The following SPTLC1 variants were observed in gnomAD, a reference collection of about 807,000 sequenced individuals.
SPTLC1 encodes serine palmitoyltransferase 1.
In SPTLC1, 55 loss-of-function variants were observed where a neutral mutation model predicts 68.9. The ratio of observed to expected loss-of-function variants is 0.80; its 90% CI spans 0.64 to 1.00. The LOEUF (loss-of-function observed/expected upper bound fraction) is 1.00. SPTLC1 is among the 50% of genes least tolerant of loss of function. The pLI is 0.00. For synonymous variants in SPTLC1, 197 were observed against 201.6 expected (o/e 0.98, Z 0.19); for missense variants, 449 against 573.1 (o/e 0.78, Z 2.21).
Position 92,080,068 on chromosome 9 carries a change from T to A in SPTLC1, c.375A>T (p.Leu125=). 6.2e-7 allele frequency: 1 copy of A among 1,613,838 alleles called. No homozygotes were observed. The change falls in exon 5 of 15, where the codon CTA becomes CTT. Residue 125 remains leucine (L), a synonymous_variant. Coordinates refer to ENST00000262554, the MANE Select transcript of SPTLC1 (RefSeq NM_006415.4). ...CACAAGTCCCCACGCCATACTTCTTTAGAGATGCTAAAGCTGCTGCCTTTA... is the reference window on the plus strand; with the variant it reads ...CACAAGTCCCCACGCCATACTTCTTAAGAGATGCTAAAGCTGCTGCCTTTA... ...PRVKAAALAS[L]KKYGVGTCGP...
chr9:92,054,218 T>C (rs1833804419), intron 8 of SPTLC1, among the ~76,000 whole-genome samples: 1 of 152,024 alleles, frequency 6.6e-6, no homozygotes, highest in Non-Finnish European at 1.5e-5. Context: ...GAGCCAGAGG[T>C]TGCGGTGAGC....
At chr9:92,048,579 T>C (rs1833598626) in intron 9 of SPTLC1, among the ~76,000 whole-genome samples, 2 of 152,186 alleles carry the variant, frequency 1.3e-5, no homozygotes, top group Admixed American at 1.3e-4. Context: ...AAGGACAACC[T>C]TGCTTCACCT....
At chr9:92,108,087 A>T (rs1284291318) in intron 3 of SPTLC1, 1 of 152,378 alleles carries the variant, frequency 6.6e-6, no homozygotes, top group Non-Finnish European at 1.5e-5. Flanking sequence ...AGTAAGTTTG[A>T]ATTAAAAATA....
At chr9:92,045,768 C>T (rs909079818) in intron 12 of SPTLC1, among the ~76,000 whole-genome samples, 3 of 152,046 alleles carry the variant, frequency 2.0e-5, no homozygotes, top group African/African-American at 4.8e-5. Context: ...TTCTGTACTG[C>T]TGTAATATTT....
intron 3 of SPTLC1, among the ~76,000 whole-genome samples, chr9:92,086,889 G>A (rs1410361069): frequency 3.3e-5 from 5 of 151,996 alleles, no homozygotes; most frequent in South Asian, 2.1e-4. Context: ...CCAATCAGAC[G>A]TAGATTTGGT....
chr9:92,041,851 T>A (rs1038131363), intron 12 of SPTLC1, among the ~76,000 whole-genome samples: 1 of 152,104 alleles, frequency 6.6e-6, no homozygotes, highest in African/African-American at 2.4e-5. Context: ...TAAGACAAAT[T>A]TATGATTTAC....
At chr9:92,033,920 G>C (rs115660703) in intron 14 of SPTLC1, among the ~76,000 whole-genome samples, 1,567 of 152,262 alleles carry the variant, frequency 0.01, 37 homozygotes, top group African/African-American at 0.036. Flanking sequence ...GGCACTGTGG[G>C]CCGGCAGAGC....
At chr9:92,074,189 A>G (rs1834595521) in intron 5 of SPTLC1, among the ~76,000 whole-genome samples, 1 of 151,626 alleles carries the variant, frequency 6.6e-6, no homozygotes, top group Non-Finnish European at 1.5e-5. Flanking sequence ...CTTAATCGAT[A>G]CGGGGGCTAC....
At chr9:92,070,729 A>T (rs1834449541) in intron 5 of SPTLC1, among the ~76,000 whole-genome samples, 1 of 152,242 alleles carries the variant, frequency 6.6e-6, no homozygotes. Flanking sequence ...GGATGACTGC[A>T]CAAGTTAATG....
chr9:92,066,909 G>A (rs1834305121), intron 6 of SPTLC1, among the ~76,000 whole-genome samples: 1 of 152,092 alleles, frequency 6.6e-6, no homozygotes, highest in Non-Finnish European at 1.5e-5. Flanking sequence ...GAACCCGGGA[G>A]GCGGAGCTTG....
intron 4 of SPTLC1, among the ~76,000 whole-genome samples, chr9:92,080,589 A>C (rs910446914): frequency 5.3e-5 from 8 of 152,094 alleles, no homozygotes; most frequent in African/African-American, 1.9e-4. Flanking sequence ...CCCAGGCTGG[A>C]GTGCAGTGGC....
At chr9:92,095,247 A>G (rs1226978901) in intron 3 of SPTLC1, among the ~76,000 whole-genome samples, 2 of 152,252 alleles carry the variant, frequency 1.3e-5, no homozygotes, top group African/African-American at 4.8e-5. Flanking sequence ...CAGTATTGCT[A>G]AACAGAGATG....
intron 9 of SPTLC1, 109 bp from the exon 10 acceptor site, chr9:92,047,817 G>A (rs1833573329): frequency 1.4e-6 from 1 of 719,996 alleles, no homozygotes; most frequent in Non-Finnish European, 2.5e-6. Flanking sequence ...TTAATATCTG[G>A]ATTCAAACTA....
At chr9:92,092,748 A>G (rs1035763032) in intron 3 of SPTLC1, among the ~76,000 whole-genome samples, 8 of 152,090 alleles carry the variant, frequency 5.3e-5, no homozygotes, top group African/African-American at 1.9e-4. Context: ...CCCCCCAAAA[A>G]AAGTATAGCC....
chr9:92,048,425 G>A (rs967385290), intron 9 of SPTLC1, among the ~76,000 whole-genome samples: 1 of 152,162 alleles, frequency 6.6e-6, no homozygotes, highest in African/African-American at 2.4e-5. Context: ...GTGTTTCATA[G>A]ATCCAGCAGA....
At chr9:92,081,862 T>C (rs1834896781) in intron 3 of SPTLC1, among the ~76,000 whole-genome samples, 1 of 152,210 alleles carries the variant, frequency 6.6e-6, no homozygotes. Context: ...AGAAACACTA[T>C]TCTCATTGAT....
At chr9:92,111,193 C>T (rs1357977859) in intron 2 of SPTLC1, 1 of 152,068 alleles carries the variant, frequency 6.6e-6, no homozygotes, top group Non-Finnish European at 1.5e-5. Flanking sequence ...CATTTACAGC[C>T]ACAGAACTAG....
At chr9:92,113,575 A>G (rs1836321458) in intron 1 of SPTLC1, among the ~76,000 whole-genome samples, 2 of 152,246 alleles carry the variant, frequency 1.3e-5, no homozygotes, top group Non-Finnish European at 1.5e-5. Flanking sequence ...GGAGCAAACA[A>G]CATTTAACAG....
intron 13 of SPTLC1, among the ~76,000 whole-genome samples, chr9:92,037,773 G>A (rs142085730): frequency 1.2e-4 from 18 of 152,228 alleles, no homozygotes; most frequent in Middle Eastern, 6.8e-3. Flanking sequence ...CTTCCTTTCC[G>A]TTTACAAGAG....
Sources: allele counts gnomAD v4.1 joint callset (sites outside exome capture counted in the v4.1 genomes callset), GRCh38; gene constraint gnomAD v4.1.1; transcripts MANE v1.5; gene names NCBI Gene and HGNC (gene_info 2026-07-23, HGNC 2026-07-21).